DPP10: variants seen among roughly 807,000 people sequenced by gnomAD.
DPP10 encodes dipeptidyl peptidase like 10, also known as inactive dipeptidyl peptidase 10.
In DPP10, 33 loss-of-function variants were observed where a neutral mutation model predicts 120.9. The observed-to-expected ratio is 0.27, with a 90% CI of 0.21 to 0.37. The LOEUF (loss-of-function observed/expected upper bound fraction) is 0.37. Ranked by LOEUF, DPP10 falls within the 10% of genes least tolerant of loss-of-function variation. DPP10 has a pLI of 1.00. For missense variants in DPP10, 816 were observed against 942.8 expected (o/e 0.87, Z 1.76); for synonymous variants, 337 against 326.1 (o/e 1.03, Z -0.36).
intron 3 of DPP10, among the ~76,000 whole-genome samples, chr2:115,390,611 C>T (rs1030707840): frequency 6.6e-6 from 1 of 152,054 alleles, no homozygotes; most frequent in Non-Finnish European, 1.5e-5. Context: ...CTTCAATACT[C>T]AAGTTTAACG....
At chr2:115,533,323 CT>C (rs1442611039) in intron 5 of DPP10, among the ~76,000 whole-genome samples, 3 of 152,060 alleles carry the variant, frequency 2.0e-5, no homozygotes, top group Non-Finnish European at 4.4e-5. Flanking sequence ...TCAACCGTAG[CT>C]GGGCTACATC....
intron 3 of DPP10, among the ~76,000 whole-genome samples, chr2:115,429,198 T>C: frequency 6.7e-6 from 1 of 149,936 alleles, no homozygotes; most frequent in Non-Finnish European, 1.5e-5. Context: ...AATTTTTTTT[T>C]CCTAAGCTTT....
intron 1 of DPP10, among the ~76,000 whole-genome samples, chr2:114,681,007 T>C (rs1427920049): frequency 1.3e-5 from 2 of 151,984 alleles, no homozygotes; most frequent in Non-Finnish European, 2.9e-5. Flanking sequence ...ACCATTTTGT[T>C]CTGTATTTAG....
chr2:115,645,125 A>G (rs2087126895), intron 5 of DPP10, among the ~76,000 whole-genome samples: 2 of 152,170 alleles, frequency 1.3e-5, no homozygotes, highest in African/African-American at 4.8e-5. Flanking sequence ...GGGATCATAT[A>G]GGAAGCCAAG....
intron 1 of DPP10, among the ~76,000 whole-genome samples, chr2:114,569,824 A>G (rs1689484439): frequency 6.6e-6 from 1 of 152,192 alleles, no homozygotes; most frequent in African/African-American, 2.4e-5. Context: ...ACACTCACAC[A>G]CACACACACG....
intron 21 of DPP10, among the ~76,000 whole-genome samples, chr2:115,816,990 T>C (rs1457008737): frequency 6.7e-6 from 1 of 149,266 alleles, no homozygotes; most frequent in Non-Finnish European, 1.5e-5. Flanking sequence ...GGCTCACGCC[T>C]GTAATCCCAG....
chr2:114,503,158 C>A lies in DPP10; in HGVS notation c.60+60320C>A, dbSNP rs905119102. On this transcript the variant is annotated intron_variant, in intron 1 of 25. Transcript: ENST00000410059. Reference sequence around the variant, plus strand: ...CTGGAAAATCACCAATAGCATGGGGCTTCATGCACAGATGCTCTAAGTGCT... The same window carrying A: ...CTGGAAAATCACCAATAGCATGGGGATTCATGCACAGATGCTCTAAGTGCT... Among the ~76,000 whole-genome samples the A allele has an allele frequency of 2.0e-5, 3 of 152,266 alleles. No individual in the cohort carries two copies. In the South Asian group the frequency reaches 6.2e-4, roughly 32 times the overall value.
chr2:114,475,474 TCTCTCTCTGCCC>T (rs1369549573), intron 1 of DPP10, among the ~76,000 whole-genome samples: 7 of 152,168 alleles, frequency 4.6e-5, no homozygotes, highest in African/African-American at 1.7e-4. Flanking sequence ...TGGTTTTCTC[TCTCTCTCTGCCC>T]CTCTCTCTCT....
At chr2:114,995,133 AC>A (rs1451351741) in intron 1 of DPP10, among the ~76,000 whole-genome samples, 1 of 152,156 alleles carries the variant, frequency 6.6e-6, no homozygotes, top group African/African-American at 2.4e-5. Context: ...TGCCAGGAGA[AC>A]CTGCCCAGAG....
intron 1 of DPP10, among the ~76,000 whole-genome samples, chr2:114,468,397 C>CAAAAAAA (rs71297186): frequency 3.7e-4 from 26 of 69,542 alleles, no homozygotes; most frequent in Non-Finnish European, 4.0e-4. Context: ...GCTTACAATG[C>CAAAAAAA]AAAAAAAAAA....
At chr2:115,692,939 T>G (rs1195096003) in intron 7 of DPP10, among the ~76,000 whole-genome samples, 1 of 152,148 alleles carries the variant, frequency 6.6e-6, no homozygotes, top group Non-Finnish European at 1.5e-5. Context: ...AAGGTTTCCT[T>G]TCATTGGAAA....
chr2:115,806,715 A>G (rs1196848693), intron 19 of DPP10, among the ~76,000 whole-genome samples: 1 of 152,164 alleles, frequency 6.6e-6, no homozygotes, highest in Non-Finnish European at 1.5e-5. Context: ...GTACGTACTC[A>G]CTACATTCCC....
intron 1 of DPP10, among the ~76,000 whole-genome samples, chr2:114,703,503 C>A (rs1005067912): frequency 3.3e-5 from 5 of 152,090 alleles, no homozygotes; most frequent in African/African-American, 1.2e-4. Context: ...TTTCCATTTA[C>A]CTTTATATTA....
Position 115,768,414 on chromosome 2 carries a change from G to T in DPP10, c.1221+10G>T. 6.2e-7 allele frequency: 1 copy of T among 1,608,808 alleles called. No individual in the cohort carries two copies. The highest frequency in any genetic ancestry group is 8.5e-7 in the Non-Finnish European group (1 of 1,176,336). ...TATGTTCCTCATCCAGGTAAGTGCT[G>T]GCTTTTTTCCATGTTTTGATTTCAT... is the stretch of plus-strand genomic sequence containing the variant. On this transcript the variant is annotated intron_variant, in intron 13 of 25. Transcript: ENST00000410059.
intron 1 of DPP10, among the ~76,000 whole-genome samples, chr2:115,196,466 A>G (rs1222673094): frequency 6.6e-6 from 1 of 152,098 alleles, no homozygotes; most frequent in Non-Finnish European, 1.5e-5. Flanking sequence ...AATTACTATA[A>G]GACTATATTT....
chr2:114,718,234 A>G (rs1701481612), intron 1 of DPP10, among the ~76,000 whole-genome samples: 1 of 151,942 alleles, frequency 6.6e-6, no homozygotes. Flanking sequence ...AGCCTTCAAT[A>G]TGATAGCAAC....
At chr2:115,533,030 T>C (rs1276949836) in intron 5 of DPP10, among the ~76,000 whole-genome samples, 2 of 152,050 alleles carry the variant, frequency 1.3e-5, no homozygotes, top group African/African-American at 4.8e-5. Context: ...AATCAATTTT[T>C]TTAAAATTTT....
chr2:114,616,973 T>G (rs1693722077), intron 1 of DPP10, among the ~76,000 whole-genome samples: 1 of 152,152 alleles, frequency 6.6e-6, no homozygotes, highest in African/African-American at 2.4e-5. Context: ...AGCAGAGTCC[T>G]AGGTCCCAAC....
intron 5 of DPP10, among the ~76,000 whole-genome samples, chr2:115,560,184 C>A (rs768600168): frequency 3.9e-4 from 59 of 149,700 alleles, no homozygotes; most frequent in Middle Eastern, 3.5e-3. Context: ...TCCTGGCTAA[C>A]ACGGTGAAAC....
Sources: allele counts gnomAD v4.1 joint callset (sites outside exome capture counted in the v4.1 genomes callset), GRCh38; gene constraint gnomAD v4.1.1; transcripts MANE v1.5; gene names NCBI Gene and HGNC (gene_info 2026-07-23, HGNC 2026-07-21).